The following PTPRT variants were observed in gnomAD, a reference collection of about 807,000 sequenced individuals.
PTPRT encodes protein tyrosine phosphatase receptor type T, also known as receptor-type tyrosine-protein phosphatase T.
Under a neutral mutation model 176.8 loss-of-function variants are expected in PTPRT, and 56 were observed. The ratio of observed to expected loss-of-function variants is 0.32; its 90% CI spans 0.26 to 0.40. The LOEUF (loss-of-function observed/expected upper bound fraction) is 0.40, where lower values mean the gene tolerates loss of function less well. Ranked by LOEUF, PTPRT falls within the 10% of genes least tolerant of loss-of-function variation. The probability of loss-of-function intolerance (pLI) is 1.00; values close to 1 mark genes in which losing one functional copy is unlikely to be tolerated. For synonymous variants in PTPRT, 783 were observed against 739.0 expected, an observed-to-expected ratio of 1.06 and a Z score of -0.96; for missense variants, 1,540 against 1,908.2, an observed-to-expected ratio of 0.81 and a Z score of 3.60.
In PTPRT at chr20:42,110,362, C is replaced by CG; in HGVS notation, c.3224dup (p.Glu1076GlyfsTer23). ...AGTGGACCACTATGGGCCCAGCTTCCGGGGGGTTGAGGAACTTGACCTGGC... is the reference window on the plus strand; with the variant it reads ...AGTGGACCACTATGGGCCCAGCTTCCGGGGGGGTTGAGGAACTTGACCTGGC... On this transcript the variant is annotated frameshift_variant, in exon 23 of 31. Transcript: ENST00000373187. LOFTEE classifies it high-confidence loss of function. 6.2e-7 allele frequency: 1 copy of CG among 1,612,380 alleles called. No homozygotes were observed. Among genetic ancestry groups the CG allele is most frequent in the South Asian group, 1.1e-5 (1 of 90,870 alleles).
chr20:42,286,793 CAG>C (rs1412279383), intron 12 of PTPRT, among the ~76,000 whole-genome samples: 26 of 151,816 alleles, frequency 1.7e-4, no homozygotes, highest in African/African-American at 6.0e-4. Context: ...AAACAATAAA[CAG>C]AGTACAAAGG....
chr20:42,262,184 A>G (rs1468569897), intron 13 of PTPRT, among the ~76,000 whole-genome samples: 3 of 152,188 alleles, frequency 2.0e-5, no homozygotes, highest in Non-Finnish European at 2.9e-5. Context: ...GAAAGCAGAA[A>G]CACTGAATCA....
chr20:42,468,611 T>G (rs867025602), intron 8 of PTPRT, among the ~76,000 whole-genome samples: 1 of 152,332 alleles, frequency 6.6e-6, no homozygotes, highest in South Asian at 2.1e-4. Flanking sequence ...CATGTTGTTT[T>G]GATAAAGGCT....
chr20:42,052,519 A>G, the PTPRT span, among the ~76,000 whole-genome samples: 2 of 151,472 alleles, frequency 1.3e-5, no homozygotes, highest in African/African-American at 4.9e-5. Context: ...CTCCCATACC[A>G]TTTTTTTTAG....
At chr20:42,761,901 C>T (rs2076920943) in intron 5 of PTPRT, among the ~76,000 whole-genome samples, 1 of 152,170 alleles carries the variant, frequency 6.6e-6, no homozygotes, top group African/African-American at 2.4e-5. Context: ...CACCCATCTG[C>T]CACCTAGTAC....
At chr20:42,887,485 A>G (rs1033925451) in intron 1 of PTPRT, among the ~76,000 whole-genome samples, 1 of 152,146 alleles carries the variant, frequency 6.6e-6, no homozygotes, top group Non-Finnish European at 1.5e-5. Context: ...GTATTTTGTT[A>G]TGGCAGCCTA....
intron 9 of PTPRT, among the ~76,000 whole-genome samples, chr20:42,444,648 A>G (rs963815751): frequency 6.6e-6 from 1 of 152,094 alleles, no homozygotes; most frequent in African/African-American, 2.4e-5. Flanking sequence ...CCAAGGTTGT[A>G]TATAGAAGGC....
intron 6 of PTPRT, among the ~76,000 whole-genome samples, chr20:42,714,113 G>T (rs1406104521): frequency 6.6e-6 from 1 of 152,192 alleles, no homozygotes; most frequent in African/African-American, 2.4e-5. Context: ...TGTTGGGTGA[G>T]CACCTTGCCC....
intron 1 of PTPRT, among the ~76,000 whole-genome samples, chr20:43,106,841 A>G (rs1486396962): frequency 6.6e-6 from 1 of 151,880 alleles, no homozygotes; most frequent in African/African-American, 2.4e-5. Flanking sequence ...CCTAGGCTAG[A>G]GTGCAATGGC....
intron 13 of PTPRT, among the ~76,000 whole-genome samples, chr20:42,272,714 C>T (rs985689646): frequency 8.1e-5 from 9 of 111,506 alleles, no homozygotes; most frequent in Admixed American, 4.5e-4. Flanking sequence ...TGCACACACA[C>T]GTGCGCGCAC....
intron 1 of PTPRT, among the ~76,000 whole-genome samples, chr20:42,953,202 C>T (rs1981369254): frequency 6.6e-6 from 1 of 152,198 alleles, no homozygotes; most frequent in Admixed American, 6.5e-5. Flanking sequence ...TGAGAGTCAG[C>T]AGAGGGGCAA....
chr20:42,279,588 TA>T (rs1346213763), intron 13 of PTPRT, among the ~76,000 whole-genome samples: 1 of 152,216 alleles, frequency 6.6e-6, no homozygotes, highest in African/African-American at 2.4e-5. Flanking sequence ...CACAGGAAAC[TA>T]ATAGAGGTCC....
intron 13 of PTPRT, among the ~76,000 whole-genome samples, chr20:42,272,012 C>T (rs952715833): frequency 4.6e-5 from 7 of 152,094 alleles, no homozygotes; most frequent in African/African-American, 1.4e-4. Context: ...AAAAGTTTTG[C>T]TGTTTTAAAA....
rs575142144 is a variant in PTPRT at position 42,548,130 on chromosome 20, C to A, written c.1154-75568G>T. Among the ~76,000 whole-genome samples the A allele has an allele frequency of 7.2e-5, 11 of 152,088 alleles. No individual in the cohort carries two copies. The East Asian group carries it at 2.1e-3, about 29-fold the overall frequency. Reference sequence around the variant, plus strand: ...TCTTGGATAGGATACAATGATATAACAAATGTGCTATATTATTATTAAATT... The same window carrying A: ...TCTTGGATAGGATACAATGATATAAAAAATGTGCTATATTATTATTAAATT... On this transcript the variant is annotated intron_variant, in intron 7 of 30. Transcript: ENST00000373187.
At chr20:43,069,628 G>A (rs2146268049) in intron 1 of PTPRT, among the ~76,000 whole-genome samples, 1 of 152,310 alleles carries the variant, frequency 6.6e-6, no homozygotes, top group South Asian at 2.1e-4. Flanking sequence ...AGACTTTGCT[G>A]GGGAGGGGGG....
chr20:42,860,106 A>G (rs143012200), intron 2 of PTPRT, among the ~76,000 whole-genome samples: 1 of 152,338 alleles, frequency 6.6e-6, no homozygotes, highest in Non-Finnish European at 1.5e-5. Context: ...GGTACATAGT[A>G]TGAAGAACCC....
chr20:42,365,236 A>G (rs1302320057), intron 9 of PTPRT, among the ~76,000 whole-genome samples: 3 of 152,186 alleles, frequency 2.0e-5, no homozygotes, highest in African/African-American at 7.2e-5. Context: ...CCGGCTAGCC[A>G]CATTTTGAGT....
In PTPRT at chr20:42,620,433, G is replaced by A. The variant is rs865954577; in HGVS notation, c.1153+57433C>T. On this transcript the variant is annotated intron_variant, in intron 7 of 30. Transcript: ENST00000373187. ...TGCCCCCAGAGGTGGAGCCTACAGA[G>A]GCAGGCAGGCCTCCTAGAGCTGTGG... Among the ~76,000 whole-genome samples, 127 of 149,738 alleles carry A rather than the reference G, an allele frequency of 8.5e-4. 1 individual carries two copies. Among genetic ancestry groups the A allele is most frequent in the African/African-American group, 3.1e-3 (122 of 39,568 alleles).
chr20:42,962,701 A>G (rs924304639), intron 1 of PTPRT, among the ~76,000 whole-genome samples: 26 of 152,212 alleles, frequency 1.7e-4, no homozygotes, highest in African/African-American at 6.0e-4. Context: ...TACAAATGTA[A>G]AAGGACTCAG....
Sources: allele counts gnomAD v4.1 joint callset (sites outside exome capture counted in the v4.1 genomes callset), GRCh38; gene constraint gnomAD v4.1.1; transcripts MANE v1.5; gene names NCBI Gene and HGNC (gene_info 2026-07-23, HGNC 2026-07-21).